Variants in VWA3B observed in about 807,000 individuals in gnomAD.
VWA3B encodes von Willebrand factor A domain-containing protein 3B.
A neutral mutation model predicts 158.3 loss-of-function variants in VWA3B; 138 were observed. That is an observed-to-expected ratio of 0.87 (90% CI 0.76 to 1.00). The LOEUF is 1.00. Ranked by LOEUF, VWA3B falls within the 50% of genes least tolerant of loss-of-function variation. VWA3B has a pLI of 0.00. For synonymous variants in VWA3B, 596 were observed against 587.3 expected (o/e 1.01, Z -0.21); for missense variants, 1,555 against 1,565.1 (o/e 0.99, Z 0.11).
chr2:98,092,993 C>A, intron 1 of VWA3B, 68 bp from the exon 2 acceptor site: 1 of 1,101,004 alleles, frequency 9.1e-7, no homozygotes, highest in Non-Finnish European at 1.3e-6. Context: ...TATGTTAAGC[C>A]AGTCCCCTGT....
intron 22 of VWA3B, among the ~76,000 whole-genome samples, chr2:98,285,441 G>T (rs900874639): frequency 1.3e-5 from 2 of 151,866 alleles, no homozygotes; most frequent in African/African-American, 4.8e-5. Flanking sequence ...CATTTCTCTT[G>T]ATGAGGTATA....
chr2:98,187,539 G>A (rs182310565), intron 9 of VWA3B, among the ~76,000 whole-genome samples: 1 of 151,962 alleles, frequency 6.6e-6, no homozygotes, highest in African/African-American at 2.4e-5. Flanking sequence ...GTCCACTGTC[G>A]CTCTCTCTTC....
intron 13 of VWA3B, 42 bp from the exon 14 acceptor site, chr2:98,217,804 T>C: frequency 6.7e-7 from 1 of 1,503,584 alleles, no homozygotes; most frequent in African/African-American, 1.4e-5. Flanking sequence ...TTCTCTTCTC[T>C]TTCCATCTCC....
intron 21 of VWA3B, among the ~76,000 whole-genome samples, chr2:98,262,824 A>G (rs1369807221): frequency 6.6e-6 from 1 of 151,940 alleles, no homozygotes; most frequent in Non-Finnish European, 1.5e-5. Flanking sequence ...TACAAAAAAT[A>G]CCATTGGGAT....
At chr2:98,156,614 A>G (rs1678099323) in intron 7 of VWA3B, among the ~76,000 whole-genome samples, 1 of 151,984 alleles carries the variant, frequency 6.6e-6, no homozygotes, top group South Asian at 2.1e-4. Flanking sequence ...GATCCCTTAG[A>G]ACAGAAAGAG....
At chr2:98,316,726 G>A (rs1477743691), downstream of VWA3B, among the ~76,000 whole-genome samples, 4 of 151,864 alleles carry the variant, frequency 2.6e-5, no homozygotes, top group African/African-American at 9.7e-5. Context: ...TGGGGGTGGA[G>A]TTCTCATTAA....
At chr2:98,160,434 T>C (rs1438888266) in intron 7 of VWA3B, among the ~76,000 whole-genome samples, 1 of 152,152 alleles carries the variant, frequency 6.6e-6, no homozygotes, top group Non-Finnish European at 1.5e-5. Context: ...ATCACTAGAC[T>C]GGGGTAGTGA....
chr2:98,145,704 AT>A (rs540065729), intron 7 of VWA3B, among the ~76,000 whole-genome samples: 21 of 148,690 alleles, frequency 1.4e-4, no homozygotes, highest in African/African-American at 4.2e-4. Context: ...AACTGCTGTG[AT>A]TTTTTTTCCT....
intron 2 of VWA3B, among the ~76,000 whole-genome samples, chr2:98,102,505 C>G (rs974841476): frequency 7.2e-5 from 11 of 152,098 alleles, no homozygotes; most frequent in African/African-American, 2.7e-4. Context: ...AGAGACGCTA[C>G]TCACTTCCCA....
chr2:98,270,995 A>G lies in VWA3B; in HGVS notation c.3045+112A>G, dbSNP rs1382113233. 9.8e-6 allele frequency: 11 copies of G among 1,122,540 alleles called. No homozygotes were observed. The East Asian group carries it at 2.2e-4, about 23-fold the overall frequency. The allele number at this position is 1,122,540 out of a possible 1,614,324, so 69.5% of individuals were successfully genotyped here. ...CCCACTCCCCGCCACACTGATTTCTAAAAGTGTTAGAGCCAATCCAGTTAA... is the reference window on the plus strand; with the variant it reads ...CCCACTCCCCGCCACACTGATTTCTGAAAGTGTTAGAGCCAATCCAGTTAA... On this transcript the variant is annotated intron_variant, in intron 22 of 27. Transcript: ENST00000477737.
intron 9 of VWA3B, among the ~76,000 whole-genome samples, chr2:98,186,493 G>A (rs561837719): frequency 1.4e-4 from 21 of 152,042 alleles, no homozygotes; most frequent in Non-Finnish European, 2.5e-4. Flanking sequence ...GGTAAATCTC[G>A]ATCTTTCCCA....
chr2:98,175,587 C>T (rs1275587544), intron 8 of VWA3B, among the ~76,000 whole-genome samples: 3 of 151,968 alleles, frequency 2.0e-5, no homozygotes, highest in Non-Finnish European at 4.4e-5. Flanking sequence ...AATGGCATAC[C>T]ATAAACATAA....
intron 12 of VWA3B, among the ~76,000 whole-genome samples, chr2:98,210,144 A>G (rs992473025): frequency 2.0e-5 from 3 of 152,152 alleles, no homozygotes; most frequent in African/African-American, 4.8e-5. Context: ...CATTACTCCC[A>G]TCGTTTTCCT....
intron 12 of VWA3B, among the ~76,000 whole-genome samples, chr2:98,210,147 G>A (rs143500328): frequency 1.5e-3 from 235 of 152,252 alleles, no homozygotes; most frequent in African/African-American, 5.0e-3. Context: ...TACTCCCATC[G>A]TTTTCCTGGC....
intron 12 of VWA3B, among the ~76,000 whole-genome samples, chr2:98,211,691 G>A (rs2105548218): frequency 6.6e-6 from 1 of 151,854 alleles, no homozygotes; most frequent in African/African-American, 2.4e-5. Context: ...GCTCTGTCAA[G>A]ACAGGAAATC....
chr2:98,183,903 C>G (rs1355806213), intron 9 of VWA3B, among the ~76,000 whole-genome samples: 1 of 152,186 alleles, frequency 6.6e-6, no homozygotes, highest in Non-Finnish European at 1.5e-5. Context: ...AGGAGATGCC[C>G]CACAGATGTT....
intron 19 of VWA3B, among the ~76,000 whole-genome samples, chr2:98,246,089 T>C (rs1421768405): frequency 6.6e-6 from 1 of 152,138 alleles, no homozygotes; most frequent in Non-Finnish European, 1.5e-5. Flanking sequence ...TAGTCTTTGG[T>C]GGTTTAATTA....
At chr2:98,254,023 A>C (rs1370735695) in intron 20 of VWA3B, among the ~76,000 whole-genome samples, 4 of 152,286 alleles carry the variant, frequency 2.6e-5, no homozygotes, top group Non-Finnish European at 4.4e-5. Context: ...TCCTGGAAAA[A>C]TATTTTCTAA....
intron 12 of VWA3B, chr2:98,207,694 G>C: frequency 2.4e-6 from 1 of 416,152 alleles, no homozygotes; most frequent in Non-Finnish European, 4.7e-6. Flanking sequence ...AAGAAGGTTT[G>C]GCAGAAGCTG....
Sources: gnomAD v4.1 joint callset for allele counts (sites outside exome capture counted in the v4.1 genomes callset) on GRCh38, gnomAD v4.1.1 for gene constraint, MANE v1.5 for transcripts, NCBI Gene and HGNC (gene_info 2026-07-23, HGNC 2026-07-21) for gene names.